Variants in CNGA4 observed in about 807,000 individuals in gnomAD.
CNGA4 encodes the protein cyclic nucleotide-gated channel alpha-4.
CNGA4 carries 32 observed loss-of-function variants against 45.6 expected under a neutral mutation model. The ratio of observed to expected loss-of-function variants is 0.70; its 90% CI spans 0.53 to 0.94. The LOEUF is 0.94. Ranked by LOEUF, CNGA4 falls within the 40% of genes least tolerant of loss-of-function variation. The pLI is 0.00. For synonymous variants in CNGA4, 293 were observed against 304.6 expected (o/e 0.96, Z 0.40); for missense variants, 726 against 755.1 (o/e 0.96, Z 0.45).
intron 5 of CNGA4, 76 bp downstream of exon 5, chr11:6,241,856 C>A: frequency 1.5e-6 from 2 of 1,334,686 alleles, no homozygotes; most frequent in Non-Finnish European, 2.1e-6. Flanking sequence ...GTGCTGGGAC[C>A]AGATAGTACT....
downstream of CNGA4, chr11:6,244,527 T>C: frequency 1.1e-6 from 1 of 925,432 alleles, no homozygotes; most frequent in East Asian, 2.6e-5. This position sits in a 1 kb window ranked among gnomAD's most constrained non-coding sequence, Gnocchi z 4.5. Flanking sequence ...CGAATTGGTC[T>C]GTAGATGCCC....
At chr11:6,241,144 A>G (rs1847912531) in intron 4 of CNGA4, among the ~76,000 whole-genome samples, 1 of 152,186 alleles carries the variant, frequency 6.6e-6, no homozygotes, top group African/African-American at 2.4e-5. Flanking sequence ...GAGGGTCCCC[A>G]GAGAGGAGGG....
chr11:6,238,938 C>G, upstream of CNGA4: 1 of 581,820 alleles, frequency 1.7e-6, no homozygotes, highest in Non-Finnish European at 2.2e-6. Flanking sequence ...CCCCCACCTT[C>G]TCCAGGGATC....
rs150625100 is a variant in CNGA4, at chr11:6,240,684, G to A, written c.890G>A (p.Arg297His). Residue 297 changes from arginine (R) to histidine (H), a missense_variant, in exon 4 of 6, where the codon CGC becomes CAC. Arg to His is a conservative substitution (Grantham distance 29). Transcript: ENST00000379936. This position sits in a 1 kb window ranked among gnomAD's most constrained non-coding sequence, Gnocchi z 4.9. ...TACATGAAGCTGCAGCACGTCAACC[G>A]CAAGCTGGAGCGGCGAGTTATTGAC... Reference protein sequence around the residue: ...KKYMKLQHVNRKLERRVIDWY... With the variant: ...KKYMKLQHVNHKLERRVIDWY... 6 of 1,613,182 alleles carry A rather than the reference G, an allele frequency of 3.7e-6. No individual in the cohort carries two copies. Among genetic ancestry groups the A allele is most frequent in the Admixed American group, 3.3e-5 (2 of 59,980 alleles).
At chr11:6,235,007 C>A (rs116868852), upstream of CNGA4, 3,846 of 152,980 alleles carry the variant, frequency 0.025, 53 homozygotes, top group African/African-American at 0.034. Flanking sequence ...GCGATTTTTA[C>A]AGGCAGGGAA....
chr11:6,240,392 G>A lies in CNGA4; in HGVS notation c.598G>A (p.Ala200Thr), dbSNP rs201720317. 3 of 1,614,218 alleles carry A rather than the reference G, an allele frequency of 1.9e-6. No individual in the cohort carries two copies. Among genetic ancestry groups the A allele is most frequent in the East Asian group, 2.2e-5 (1 of 44,882 alleles). Residue 200 changes from alanine to threonine, a missense_variant, in exon 4 of 6, where the codon GCA (alanine) becomes ACA (threonine). Transcript: ENST00000379936. The surrounding 1 kb of genome is among the most constrained non-coding windows in gnomAD (Gnocchi z 4.9). ...CCGGTACCTGGGCTTCGGGCGTGAC[G>A]CATGGGTGTACCCGGACCCCGCGCA... Reference protein sequence around the residue: ...LSRYLGFGRDAWVYPDPAQPG... With the variant: ...LSRYLGFGRDTWVYPDPAQPG...
chr11:6,240,182 G>A lies in CNGA4; in HGVS notation c.388G>A (p.Val130Met), dbSNP rs753761397. The change falls in exon 4 of 6, where the codon GTG becomes ATG. Residue 130 changes from valine (V) to methionine (M), a missense_variant. Coordinates refer to ENST00000379936, the MANE Select transcript of CNGA4 (RefSeq NM_001037329.4). The surrounding 1 kb of genome is among the most constrained non-coding windows in gnomAD (Gnocchi z 4.9). Reference sequence around the variant, plus strand: ...CCTGATGCCCACAGATGTGGTCTACGTGCGGCTGGGCCCGCACACACCCAC... The same window carrying A: ...CCTGATGCCCACAGATGTGGTCTACATGCGGCTGGGCCCGCACACACCCAC... ...ASLMPTDVVY[V>M]RLGPHTPTLR... is the part of the protein sequence containing the mutation. The A allele has an allele frequency of 1.2e-6, 2 of 1,614,060 alleles. No individual in the cohort carries two copies. Among genetic ancestry groups the A allele is most frequent in the Admixed American group, 1.7e-5 (1 of 60,014 alleles).
upstream of CNGA4, among the ~76,000 whole-genome samples, chr11:6,235,051 C>A (rs1162881546): frequency 6.6e-6 from 1 of 152,052 alleles, no homozygotes; most frequent in Non-Finnish European, 1.5e-5. Context: ...AGAGATGGAG[C>A]CGGAAGAAAG....
upstream of CNGA4, chr11:6,235,457 T>C (rs1847818577): frequency 2.0e-6 from 2 of 984,976 alleles, no homozygotes; most frequent in South Asian, 4.7e-5. Flanking sequence ...AGTACATTAC[T>C]ACGGGGGCCA....
chr11:6,235,640 G>GT, upstream of CNGA4: 1 of 775,300 alleles, frequency 1.3e-6, no homozygotes, highest in African/African-American at 1.9e-5. Flanking sequence ...AAGGCATGTA[G>GT]TTTTAAAAGT....
chr11:6,240,352 A>G lies in CNGA4; in HGVS notation c.558A>G (p.Leu186=), dbSNP rs1847897439. 6.2e-7 allele frequency: 1 copy of G among 1,614,190 alleles called. No homozygotes were observed. Among genetic ancestry groups the G allele is most frequent in the Non-Finnish European group, 8.5e-7 (1 of 1,180,036 alleles). ...IFVVIHWNSC[L]YFALSRYLGF... is the part of the protein sequence containing the mutation. ...TCGTCATCCATTGGAACAGCTGCCT[A>G]TACTTTGCCCTATCCCGGTACCTGG... The change falls in exon 4 of 6, where the codon CTA becomes CTG. Residue 186 remains leucine (L), a synonymous_variant. Transcript: ENST00000379936. This position sits in a 1 kb window ranked among gnomAD's most constrained non-coding sequence, Gnocchi z 4.9.
At chr11:6,242,063 T>A (rs1160133089) in intron 5 of CNGA4, 1 of 482,532 alleles carries the variant, frequency 2.1e-6, no homozygotes, top group Non-Finnish European at 3.6e-6. Context: ...TAGTGGACAG[T>A]GATAGAGATA....
chr11:6,240,449 C>G lies in CNGA4; in HGVS notation c.655C>G (p.Leu219Val), dbSNP rs1191971041. The change falls in exon 4 of 6, where the codon CTC becomes GTC. Residue 219 changes from leucine (L) to valine (V), a missense_variant. By Grantham distance (32) the Leu-to-Val change is conservative. Coordinates refer to ENST00000379936, the MANE Select transcript of CNGA4 (RefSeq NM_001037329.4). This position sits in a 1 kb window ranked among gnomAD's most constrained non-coding sequence, Gnocchi z 4.9. ...CTTTGAGCGCCTGCGGCGCCAGTACCTCTATAGCTTTTACTTCTCCACGCT... is the reference window on the plus strand; with the variant it reads ...CTTTGAGCGCCTGCGGCGCCAGTACGTCTATAGCTTTTACTTCTCCACGCT... ...PGFERLRRQYLYSFYFSTLIL... is the reference protein window; with the variant it reads ...PGFERLRRQYVYSFYFSTLIL... The G allele has an allele frequency of 1.2e-6, 2 of 1,614,120 alleles. No individual in the cohort carries two copies. The highest frequency in any genetic ancestry group is 2.2e-5 in the South Asian group (2 of 91,088).
Position 6,239,150 on chromosome 11 carries a change from C to A in CNGA4, c.-57C>A. 1.2e-6 allele frequency: 2 copies of A among 1,611,760 alleles called. No individual in the cohort carries two copies. Among genetic ancestry groups the A allele is most frequent in the South Asian group, 2.2e-5 (2 of 90,920 alleles). On this transcript the variant is annotated 5_prime_UTR_variant, in exon 1 of 6. Transcript: ENST00000379936. ...GGCACTAGTGCCCAACTCCAGAAGT[C>A]CCCTACAGGCAGAGAGGGTGTGGAC... is the stretch of plus-strand genomic sequence containing the variant.
rs996546532 is a variant in CNGA4 at position 6,244,014 on chromosome 11, C to T, written c.1333C>T (p.Leu445=). 5 of 1,614,018 alleles carry T rather than the reference C, an allele frequency of 3.1e-6. No homozygotes were observed. In the African/African-American group the frequency reaches 6.7e-5, roughly 22 times the overall value. Residue 445 remains leucine (L), a synonymous_variant, in exon 6 of 6, where the codon CTG becomes TTG. Coordinates refer to ENST00000379936, the MANE Select transcript of CNGA4 (RefSeq NM_001037329.4). This position sits in a 1 kb window ranked among gnomAD's most constrained non-coding sequence, Gnocchi z 4.5. The part of the protein sequence containing the change: ...KSLGYSDLFC[L]SKEDLREVLS... The stretch of plus-strand genomic sequence containing the variant: ...CCTAGGTTATTCAGACCTATTCTGC[C>T]TGAGCAAGGAGGACCTGCGGGAGGT...
Position 6,244,152 on chromosome 11 carries a change from G to A in CNGA4, c.1471G>A (p.Glu491Lys). Residue 491 changes from glutamate (E) to lysine (K), a missense_variant, in exon 6 of 6, where the codon GAG becomes AAG. Coordinates refer to ENST00000379936, the MANE Select transcript of CNGA4 (RefSeq NM_001037329.4). The surrounding 1 kb of genome is among the most constrained non-coding windows in gnomAD (Gnocchi z 4.5). ...TGAGGCAGCTGAGATCGCCCTGCAG[G>A]AGGCCACAGAGTCCCGGCTACGAGG... ...NAEAAEIALQ[E>K]ATESRLRGLD... is the part of the protein sequence containing the mutation. 6.2e-7 allele frequency: 1 copy of A among 1,614,228 alleles called. No individual in the cohort carries two copies. Among genetic ancestry groups the A allele is most frequent in the Non-Finnish European group, 8.5e-7 (1 of 1,180,044 alleles).
Position 6,240,650 on chromosome 11 carries a change from G to T in CNGA4, c.856G>T (p.Val286Leu). The change falls in exon 4 of 6, where the codon GTG becomes TTG. Residue 286 changes from valine to leucine, a missense_variant. Val to Leu is a conservative substitution (Grantham distance 32, BLOSUM62 1). Coordinates refer to ENST00000379936, the MANE Select transcript of CNGA4 (RefSeq NM_001037329.4). This position sits in a 1 kb window ranked among gnomAD's most constrained non-coding sequence, Gnocchi z 4.9. Reference protein sequence around the residue: ...DAAFYPDHALVKKYMKLQHVN... With the variant: ...DAAFYPDHALLKKYMKLQHVN... ...GGCTTTCTACCCAGATCATGCACTG[G>T]TGAAGAAGTACATGAAGCTGCAGCA... 1 of 1,614,198 alleles carries T rather than the reference G, an allele frequency of 6.2e-7. No homozygotes were observed. Among genetic ancestry groups the T allele is most frequent in the Non-Finnish European group, 8.5e-7 (1 of 1,180,044 alleles).
At chr11:6,236,561 G>A (rs965578622), upstream of CNGA4, among the ~76,000 whole-genome samples, 1 of 152,124 alleles carries the variant, frequency 6.6e-6, no homozygotes, top group Admixed American at 6.5e-5. Flanking sequence ...TCAAAAACAG[G>A]TAAAACTAAA....
upstream of CNGA4, among the ~76,000 whole-genome samples, chr11:6,235,888 G>A (rs1047845635): frequency 4.0e-5 from 6 of 151,274 alleles, no homozygotes; most frequent in African/African-American, 7.3e-5. Context: ...GCAGTTAGCC[G>A]AGATCGCACC....
Sources: gnomAD v4.1 joint callset for allele counts (sites outside exome capture counted in the v4.1 genomes callset) on GRCh38, gnomAD v4.1.1 for gene constraint, Gnocchi (gnomAD v3.1) non-coding constraint, MANE v1.5 for transcripts, NCBI Gene and HGNC (gene_info 2026-07-23, HGNC 2026-07-21) for gene names.